IGSF11: variants seen among roughly 807,000 people sequenced by gnomAD.
IGSF11 encodes CXADR like 1.
IGSF11 carries 22 observed loss-of-function variants against 41.0 expected under a neutral mutation model. The observed-to-expected ratio is 0.54, with a 90% CI of 0.38 to 0.77. The LOEUF (loss-of-function observed/expected upper bound fraction) is 0.77. Among genes scored for constraint, IGSF11 ranks in the 30% least tolerant of loss-of-function variants. IGSF11 has a pLI of 0.00. For synonymous variants in IGSF11, 219 were observed against 201.3 expected, an observed-to-expected ratio of 1.09 and a Z score of -0.74; for missense variants, 444 against 530.8, an observed-to-expected ratio of 0.84 and a Z score of 1.61.
At position 119,115,907 on chromosome 3, in the gene IGSF11, C is replaced by T. The variant is rs114951558; in HGVS notation, c.-13-10702G>A. Among the ~76,000 whole-genome samples the T allele has an allele frequency of 4.7e-3, 717 of 152,238 alleles. 13 individuals are homozygous for T. Among genetic ancestry groups the T allele is most frequent in the African/African-American group, 0.017 (686 of 41,554 alleles). On this transcript the variant is annotated intron_variant, in intron 1 of 7. Coordinates refer to the IGSF11 transcript ENST00000425327. Reference sequence around the variant, plus strand: ...TAAAAGTGGTGCAAAACTTTATTTGCTATCACAAAAGCCTTAGGAAAACAT... The same window carrying T: ...TAAAAGTGGTGCAAAACTTTATTTGTTATCACAAAAGCCTTAGGAAAACAT...
At chr3:119,029,274 A>ACACC (rs35892047) in intron 1 of IGSF11, among the ~76,000 whole-genome samples, 9 of 143,708 alleles carry the variant, frequency 6.3e-5, no homozygotes, top group East Asian at 4.0e-4. Context: ...ACACACACAC[A>ACACC]CCCGAGAGAG....
At chr3:119,049,720 G>T (rs563410478) in intron 1 of IGSF11, among the ~76,000 whole-genome samples, 1 of 152,066 alleles carries the variant, frequency 6.6e-6, no homozygotes, top group African/African-American at 2.4e-5. Flanking sequence ...AACAAAGCTG[G>T]AGGCATCACA....
Position 119,034,524 on chromosome 3 carries a change from T to C in IGSF11, c.52+7A>G. ...CCCACCGGGAAGAAAGGGCTGGAGCTACTCACCGTGCAGAGAGAGGAGCAG... is the reference window on the plus strand; with the variant it reads ...CCCACCGGGAAGAAAGGGCTGGAGCCACTCACCGTGCAGAGAGAGGAGCAG... On this transcript the variant is annotated splice_region_variant and intron_variant, in intron 1 of 6. Coordinates refer to ENST00000393775, the MANE Select transcript of IGSF11 (RefSeq NM_001015887.3). 6.3e-7 allele frequency: 1 copy of C among 1,575,140 alleles called. No homozygotes were observed. The highest frequency in any genetic ancestry group is 8.6e-7 in the Non-Finnish European group (1 of 1,161,006).
intron 1 of IGSF11, among the ~76,000 whole-genome samples, chr3:119,010,064 G>T (rs1559786771): frequency 6.6e-6 from 1 of 152,190 alleles, no homozygotes; most frequent in African/African-American, 2.4e-5. Context: ...AAAGACAGAT[G>T]AAAAAAGTAG....
At chr3:119,137,269 A>T (rs1208859742) in intron 1 of IGSF11, among the ~76,000 whole-genome samples, 4 of 152,182 alleles carry the variant, frequency 2.6e-5, no homozygotes, top group East Asian at 1.9e-4. Flanking sequence ...AGCCAAAGCT[A>T]TCCTAAGCAA....
chr3:119,025,262 A>T (rs561612408), intron 1 of IGSF11, among the ~76,000 whole-genome samples: 1 of 152,204 alleles, frequency 6.6e-6, no homozygotes, highest in Non-Finnish European at 1.5e-5. Flanking sequence ...TCAAAGAATC[A>T]CAAGATTATA....
intron 1 of IGSF11, among the ~76,000 whole-genome samples, chr3:118,931,730 G>T (rs186114056): frequency 7.3e-6 from 1 of 137,524 alleles, no homozygotes; most frequent in East Asian, 2.2e-4. Flanking sequence ...AAGCTTAAAA[G>T]TCACTGATTT....
intron 1 of IGSF11, among the ~76,000 whole-genome samples, chr3:119,078,360 C>G (rs1418976261): frequency 6.6e-6 from 1 of 152,036 alleles, no homozygotes; most frequent in African/African-American, 2.4e-5. Flanking sequence ...GGTACTGGTA[C>G]AAAAACAGAG....
chr3:119,045,623 C>G (rs1412560144), intron 1 of IGSF11, among the ~76,000 whole-genome samples: 1 of 151,940 alleles, frequency 6.6e-6, no homozygotes, highest in African/African-American at 2.4e-5. Context: ...CAAGAAGCTC[C>G]AACTGGGTGG....
intron 4 of IGSF11, among the ~76,000 whole-genome samples, chr3:118,910,449 T>C (rs1457391105): frequency 1.3e-5 from 2 of 152,196 alleles, no homozygotes; most frequent in Admixed American, 1.3e-4. Flanking sequence ...TCCCCCACTG[T>C]GCCTTCTCCA....
At chr3:119,027,597 G>GACAAA (rs764827533) in intron 1 of IGSF11, among the ~76,000 whole-genome samples, 2,027 of 152,230 alleles carry the variant, frequency 0.013, 29 homozygotes, top group Non-Finnish European at 0.019. Context: ...ATGTGTAATG[G>GACAAA]ATGCTTTGTT....
intron 1 of IGSF11, among the ~76,000 whole-genome samples, chr3:118,937,509 TA>T (rs887382239): frequency 3.4e-5 from 5 of 148,606 alleles, no homozygotes; most frequent in Non-Finnish European, 4.5e-5. Context: ...CCATCTCAAC[TA>T]AAAAAAAAAG....
chr3:119,132,512 G>T (rs921737431), intron 1 of IGSF11, among the ~76,000 whole-genome samples: 17 of 151,422 alleles, frequency 1.1e-4, no homozygotes, highest in Admixed American at 7.9e-4. Context: ...CAATTCAACA[G>T]TAAGAGCTAA....
At chr3:119,001,394 C>T (rs547122605) in intron 1 of IGSF11, among the ~76,000 whole-genome samples, 46 of 151,370 alleles carry the variant, frequency 3.0e-4, no homozygotes, top group Admixed American at 2.6e-3. Flanking sequence ...AGAACAGAAC[C>T]TGGCACGCAG....
chr3:119,073,700 G>A (rs2076442941), intron 1 of IGSF11, among the ~76,000 whole-genome samples: 1 of 152,206 alleles, frequency 6.6e-6, no homozygotes, highest in African/African-American at 2.4e-5. Context: ...CTCCAAGTGT[G>A]GGGCCACTGA....
intron 1 of IGSF11, among the ~76,000 whole-genome samples, chr3:118,974,075 C>T (rs1933777712): frequency 6.6e-6 from 1 of 151,552 alleles, no homozygotes; most frequent in African/African-American, 2.4e-5. Flanking sequence ...AACAAACCTG[C>T]ACATCCTGCA....
chr3:119,115,159 T>G lies in IGSF11; in HGVS notation c.-13-9954A>C, dbSNP rs2077238149. On this transcript the variant is annotated intron_variant, in intron 1 of 7. Coordinates refer to the IGSF11 transcript ENST00000425327. ...AGGACACAAATCCAAACCATATCCC[T>G]CAGGTTGCTTCCAAATATTGGCTAT... 2.6e-5 allele frequency among the ~76,000 whole-genome samples: 4 copies of G among 152,158 alleles called. No individual in the cohort carries two copies. In the South Asian group the frequency reaches 8.3e-4, roughly 32 times the overall value.
At chr3:119,045,996 A>T (rs973368406) in intron 1 of IGSF11, among the ~76,000 whole-genome samples, 1 of 151,458 alleles carries the variant, frequency 6.6e-6, no homozygotes, top group Non-Finnish European at 1.5e-5. Context: ...CCATCTGTAC[A>T]TCACCATCAT....
At chr3:118,956,671 T>A (rs1404277768) in intron 1 of IGSF11, among the ~76,000 whole-genome samples, 1 of 152,102 alleles carries the variant, frequency 6.6e-6, no homozygotes, top group Non-Finnish European at 1.5e-5. Context: ...AACAGTAATA[T>A]CAAAGATTGC....
Sources: gnomAD v4.1 joint callset for allele counts (sites outside exome capture counted in the v4.1 genomes callset) on GRCh38, gnomAD v4.1.1 for gene constraint, MANE v1.5 for transcripts, NCBI Gene and HGNC (gene_info 2026-07-23, HGNC 2026-07-21) for gene names.